Variants in LGMN observed in about 807,000 individuals in gnomAD.
LGMN encodes asparaginyl endopeptidase.
A neutral mutation model predicts 56.8 loss-of-function variants in LGMN; 36 were observed. The observed-to-expected ratio is 0.63, with a 90% confidence interval of 0.49 to 0.84. The LOEUF (loss-of-function observed/expected upper bound fraction) is 0.84, where lower values mean the gene tolerates loss of function less well. LGMN is among the 40% of genes least tolerant of loss of function. The pLI, the probability that LGMN is intolerant of heterozygous loss-of-function variation, is 0.00. For missense variants in LGMN, 446 were observed against 556.1 expected, an observed-to-expected ratio of 0.80 and a Z score of 1.99; for synonymous variants, 199 against 210.1, an observed-to-expected ratio of 0.95 and a Z score of 0.46.
At chr14:92,741,018 C>G (rs1891528650) in intron 1 of LGMN, 1 of 152,054 alleles carries the variant, frequency 6.6e-6, no homozygotes, top group African/African-American at 2.4e-5. Flanking sequence ...GAAACCCCAT[C>G]TCTACTAAAA....
chr14:92,733,627 A>C (rs1308655571), intron 1 of LGMN: 1 of 152,178 alleles, frequency 6.6e-6, no homozygotes, highest in African/African-American at 2.4e-5. Flanking sequence ...ACTGGCCAAC[A>C]AGGTAAAACC....
At chr14:92,728,751 G>C (rs1890870152) in intron 2 of LGMN, among the ~76,000 whole-genome samples, 1 of 152,206 alleles carries the variant, frequency 6.6e-6, no homozygotes, top group South Asian at 2.1e-4. Flanking sequence ...CATGGGCTGT[G>C]GAGCATGGAC....
rs1308123024 is a variant in LGMN at position 92,716,191 on chromosome 14, A to G, written c.349T>C (p.Leu117=). ...TTCACTGCTTCTGCATCGCCTCTCA[A>G]CACAGCAAGGAAATTTTGTGGGGTA... ...DVTPQNFLAV[L]RGDAEAVKGI... Residue 117 remains leucine, a synonymous_variant, in exon 5 of 14, where the codon TTG becomes CTG. Transcript: ENST00000334869. 1.4e-5 allele frequency: 23 copies of G among 1,613,498 alleles called. No homozygotes were observed. Among genetic ancestry groups the G allele is most frequent in the Non-Finnish European group, 1.9e-5 (22 of 1,179,614 alleles).
At chr14:92,726,455 C>T (rs555000692) in intron 2 of LGMN, among the ~76,000 whole-genome samples, 6 of 152,250 alleles carry the variant, frequency 3.9e-5, no homozygotes, top group African/African-American at 1.2e-4. Context: ...AAAAACTCTG[C>T]AGGCCCCAGT....
chr14:92,725,766 G>A (rs2140247242), intron 2 of LGMN, among the ~76,000 whole-genome samples: 1 of 151,564 alleles, frequency 6.6e-6, no homozygotes, highest in Admixed American at 6.6e-5. Context: ...GTAGAGATGG[G>A]GTTTCACCAT....
chr14:92,726,206 C>A (rs1890732098), intron 2 of LGMN, among the ~76,000 whole-genome samples: 1 of 150,340 alleles, frequency 6.7e-6, no homozygotes. Context: ...CATTGCACTC[C>A]AGGCTGGGCA....
At chr14:92,712,756 A>T in intron 8 of LGMN, 49 bp downstream of exon 8, 1 of 1,574,478 alleles carries the variant, frequency 6.4e-7, no homozygotes, top group Non-Finnish European at 8.7e-7. Flanking sequence ...GCGGTGTCTG[A>T]GCAACCTGCT....
chr14:92,737,061 G>A (rs567469443), intron 1 of LGMN, among the ~76,000 whole-genome samples: 4 of 152,232 alleles, frequency 2.6e-5, no homozygotes, highest in South Asian at 2.1e-4. Context: ...TTCCCCTAGG[G>A]TAGGGGTAGG....
At chr14:92,713,790 GC>G in intron 7 of LGMN, 32 bp downstream of exon 7, 2 of 1,510,512 alleles carry the variant, frequency 1.3e-6, no homozygotes, top group Non-Finnish European at 1.8e-6. Flanking sequence ...CACACCCCCC[GC>G]CCCCACAAGG....
chr14:92,723,139 C>A (rs941589392), intron 2 of LGMN, among the ~76,000 whole-genome samples: 1 of 152,004 alleles, frequency 6.6e-6, no homozygotes, highest in African/African-American at 2.4e-5. Context: ...CTCCGCCTCC[C>A]GGGTGCAAGC....
intron 12 of LGMN, among the ~76,000 whole-genome samples, chr14:92,705,834 GC>G: frequency 6.6e-6 from 1 of 152,032 alleles, no homozygotes; most frequent in Non-Finnish European, 1.5e-5. Flanking sequence ...TACCATGTTG[GC>G]CAGGCTGGTC....
chr14:92,713,923 A>G (rs751055258), intron 6 of LGMN, 38 bp from the exon 7 acceptor site: 2 of 1,498,708 alleles, frequency 1.3e-6, no homozygotes, highest in Non-Finnish European at 1.9e-6. Context: ...ACACATCAAG[A>G]GAAACTATTT....
intron 2 of LGMN, among the ~76,000 whole-genome samples, chr14:92,730,017 T>C (rs567758441): frequency 6.6e-6 from 1 of 152,340 alleles, no homozygotes; most frequent in East Asian, 1.9e-4. Flanking sequence ...GGAGCAAAGG[T>C]AATTGGATAA....
rs755488480 is a variant in LGMN, at chr14:92,742,302, TTTTC to T, written c.-30+6183_-30+6186del. Among the ~76,000 whole-genome samples the T allele has an allele frequency of 1.9e-4, 20 of 105,798 alleles. 1 individual carries two copies. The highest frequency in any genetic ancestry group is 1.7e-3 in the East Asian group (6 of 3,524). The allele number at this position is 105,798 out of a possible 152,430, so 69.4% of individuals were successfully genotyped here. On this transcript the variant is annotated intron_variant, in intron 1 of 13. Coordinates refer to ENST00000334869, the MANE Select transcript of LGMN (RefSeq NM_005606.7). ...CTGTTTTTTGTTTTGCTTTTTTTTT[TTTTC>T]TTTTTTTTTGAGACAGAGTCTCACT...
At chr14:92,726,338 G>A (rs913749423) in intron 2 of LGMN, among the ~76,000 whole-genome samples, 9 of 151,892 alleles carry the variant, frequency 5.9e-5, no homozygotes, top group Admixed American at 2.6e-4. Flanking sequence ...ACTCCCTCTC[G>A]CCTCCGTCAC....
rs1890236876 is a variant in LGMN, at chr14:92,719,159, C to CCAT, written c.139-316_139-315insATG. On this transcript the variant is annotated intron_variant, in intron 2 of 13. Transcript: ENST00000334869. ...GCCACCGCCACCACCACCGCCACTG[C>CCAT]CACCACCACCACCACCACCACCATC... Among the ~76,000 whole-genome samples the CCAT allele has an allele frequency of 4.8e-4, 14 of 29,158 alleles. 2 individuals carry two copies. The highest frequency in any genetic ancestry group is 3.1e-3 in the African/African-American group (13 of 4,170). The allele number at this position is 29,158 out of a possible 152,430, so 19.1% of individuals were successfully genotyped here. A position where few individuals can be genotyped will look rare whatever the true frequency, so the allele number is the denominator to read the frequency against.
rs1260032529 is a variant in LGMN, at chr14:92,719,212, GCCACCAACACCA to G, written c.139-380_139-369del. ...CACCACCGCCACCAACACCACCACCGCCACCAACACCACCACCGCCACCGCCACCACCGCCAC... is the reference window on the plus strand; with the variant it reads ...CACCACCGCCACCAACACCACCACCGCCACCGCCACCGCCACCACCGCCAC... On this transcript the variant is annotated intron_variant, in intron 2 of 13. Transcript: ENST00000334869. Among the ~76,000 whole-genome samples the G allele has an allele frequency of 2.2e-3, 107 of 48,898 alleles. 1 individual carries two copies. Among genetic ancestry groups the G allele is most frequent in the African/African-American group, 8.8e-3 (92 of 10,476 alleles). 32.1% of individuals were successfully genotyped at this position (48,898 alleles called of 152,430 possible).
In LGMN at chr14:92,704,227, A is replaced by G. The variant is rs750228372; in HGVS notation, c.*92T>C. On this transcript the variant is annotated 3_prime_UTR_variant, in exon 14 of 14. Coordinates refer to ENST00000334869, the MANE Select transcript of LGMN (RefSeq NM_005606.7). Reference sequence around the variant, plus strand: ...GGGGGCTCCCCAGGAGGGCCCGAGCAGCGGAGACTTCTCACTCCACCTCTC... The same window carrying G: ...GGGGGCTCCCCAGGAGGGCCCGAGCGGCGGAGACTTCTCACTCCACCTCTC... 19 of 1,550,060 alleles carry G rather than the reference A, an allele frequency of 1.2e-5. No individual in the cohort carries two copies. The African/African-American group carries it at 2.0e-4, about 17-fold the overall frequency.
intron 1 of LGMN, among the ~76,000 whole-genome samples, chr14:92,748,258 C>G (rs912939350): frequency 6.6e-6 from 1 of 152,040 alleles, no homozygotes; most frequent in Non-Finnish European, 1.5e-5. Context: ...GCGTGAGAAA[C>G]GAGAAACCTC....
Sources: allele counts gnomAD v4.1 joint callset (sites outside exome capture counted in the v4.1 genomes callset), GRCh38; gene constraint gnomAD v4.1.1; transcripts MANE v1.5; gene names NCBI Gene and HGNC (gene_info 2026-07-23, HGNC 2026-07-21).